SGCZ: variants seen among roughly 807,000 people sequenced by gnomAD.
SGCZ encodes zeta-sarcoglycan.
SGCZ carries 40 observed loss-of-function variants against 41.3 expected under a neutral mutation model. The observed-to-expected ratio is 0.97, with a 90% confidence interval of 0.75 to 1.26. The LOEUF (loss-of-function observed/expected upper bound fraction) is 1.26. Among genes scored for constraint, SGCZ ranks in the 50% most tolerant of loss-of-function variants. The pLI, the probability that SGCZ is intolerant of heterozygous loss-of-function variation, is 0.00. For synonymous variants in SGCZ, 206 were observed against 137.5 expected, an observed-to-expected ratio of 1.50 and a Z score of -3.49; for missense variants, 552 against 369.8, an observed-to-expected ratio of 1.49 and a Z score of -4.04.
rs181126807 is a variant in SGCZ, at chr8:14,619,956, A to C, written c.40-65030T>G. The stretch of plus-strand genomic sequence containing the variant: ...AAAAACTACTTTAAAGTTCATATGG[A>C]ACCAAAAAAGGGCCCGCATTGCCAA... On this transcript the variant is annotated intron_variant, in intron 1 of 7. Transcript: ENST00000382080. 2.0e-5 allele frequency among the ~76,000 whole-genome samples: 3 copies of C among 152,248 alleles called. No homozygotes were observed. In the East Asian group the frequency reaches 5.8e-4, roughly 29 times the overall value.
chr8:15,062,105 AACCTCTCC>A (rs1219331240), intron 1 of SGCZ, among the ~76,000 whole-genome samples: 1 of 152,182 alleles, frequency 6.6e-6, no homozygotes, highest in East Asian at 1.9e-4. Flanking sequence ...TTCTTGCTGT[AACCTCTCC>A]CTAAACATCC....
chr8:14,411,217 A>T (rs1299752417), intron 2 of SGCZ, among the ~76,000 whole-genome samples: 1 of 152,142 alleles, frequency 6.6e-6, no homozygotes, highest in African/African-American at 2.4e-5. Context: ...TTCTCTCCTT[A>T]GAAACAGCCC....
At chr8:15,078,235 T>C (rs919587107) in intron 1 of SGCZ, among the ~76,000 whole-genome samples, 11 of 146,696 alleles carry the variant, frequency 7.5e-5, no homozygotes, top group African/African-American at 2.8e-4. Flanking sequence ...TTTTTCCTGG[T>C]CATGAGACAA....
At chr8:14,898,046 A>G (rs966649748) in intron 1 of SGCZ, among the ~76,000 whole-genome samples, 1 of 152,130 alleles carries the variant, frequency 6.6e-6, no homozygotes, top group Non-Finnish European at 1.5e-5. Flanking sequence ...TGTGTTTAGT[A>G]TGTTTATACT....
intron 1 of SGCZ, among the ~76,000 whole-genome samples, chr8:14,796,433 T>C (rs1048443790): frequency 1.2e-4 from 18 of 152,186 alleles, no homozygotes; most frequent in African/African-American, 4.3e-4. Context: ...TTTGTTTTTT[T>C]TCTAATATTA....
At chr8:15,058,729 G>C (rs1804806365) in intron 1 of SGCZ, among the ~76,000 whole-genome samples, 1 of 152,124 alleles carries the variant, frequency 6.6e-6, no homozygotes, top group African/African-American at 2.4e-5. Flanking sequence ...GTTCGCTTAG[G>C]ATCCTTGGAT....
intron 1 of SGCZ, among the ~76,000 whole-genome samples, chr8:14,998,461 G>C (rs986597328): frequency 7.2e-5 from 11 of 152,190 alleles, no homozygotes; most frequent in Admixed American, 5.9e-4. Context: ...ATGACAGATA[G>C]ATAGCCTGGC....
chr8:15,012,787 A>G (rs1802887647), intron 1 of SGCZ, among the ~76,000 whole-genome samples: 1 of 149,178 alleles, frequency 6.7e-6, no homozygotes, highest in African/African-American at 2.5e-5. Context: ...ATATTTATTT[A>G]TGTGTGTGTG....
intron 1 of SGCZ, among the ~76,000 whole-genome samples, chr8:14,840,037 G>C (rs1054231549): frequency 6.6e-6 from 1 of 151,834 alleles, no homozygotes; most frequent in Non-Finnish European, 1.5e-5. Context: ...CAGTAATGCG[G>C]AGAAACCAAA....
At chr8:14,108,753 G>T (rs989738910) in intron 5 of SGCZ, among the ~76,000 whole-genome samples, 5 of 151,916 alleles carry the variant, frequency 3.3e-5, no homozygotes, top group African/African-American at 1.2e-4. Context: ...CACCAGGCAG[G>T]GAAGAGTCAA....
At chr8:14,907,946 G>A (rs1455648906) in intron 1 of SGCZ, among the ~76,000 whole-genome samples, 2 of 152,136 alleles carry the variant, frequency 1.3e-5, no homozygotes, top group Admixed American at 6.6e-5. Context: ...ATTAACTAAT[G>A]CATTTTAGAA....
At chr8:14,897,942 T>C (rs1479799780) in intron 1 of SGCZ, among the ~76,000 whole-genome samples, 1 of 152,120 alleles carries the variant, frequency 6.6e-6, no homozygotes, top group Non-Finnish European at 1.5e-5. Flanking sequence ...TCAAAAGAGA[T>C]GTATCCCCTA....
At position 15,064,496 on chromosome 8, in the gene SGCZ, T is replaced by C. The variant is rs1805050978; in HGVS notation, c.39+173089A>G. Among the ~76,000 whole-genome samples, 2 of 149,344 alleles carry C rather than the reference T, an allele frequency of 1.3e-5. 1 individual carries two copies. The highest frequency in any genetic ancestry group is 4.2e-4 in the South Asian group (2 of 4,748). On this transcript the variant is annotated intron_variant, in intron 1 of 7. Transcript: ENST00000382080. ...GAGCTTCAACCTTGTATTTATTTTA[T>C]CTGAGTTCCTTCCTCAAGAACAAAC...
Position 14,639,038 on chromosome 8 carries a change from CTTTTT to C in SGCZ, c.40-84117_40-84113del, listed in dbSNP as rs148778266. ...AAATAATACACTAAGAAACTGGAAT[CTTTTT>C]TTTTTTTTTTTGTCTTTTTTTGAGA... is the stretch of plus-strand genomic sequence containing the variant. On this transcript the variant is annotated intron_variant, in intron 1 of 7. Coordinates refer to ENST00000382080, the MANE Select transcript of SGCZ (RefSeq NM_139167.4). Among the ~76,000 whole-genome samples, 16 of 137,658 alleles carry C rather than the reference CTTTTT, an allele frequency of 1.2e-4. No individual in the cohort carries two copies. The East Asian group carries it at 2.8e-3, about 24-fold the overall frequency. 90.3% of individuals were successfully genotyped at this position (137,658 alleles called of 152,430 possible). A position where few individuals can be genotyped will look rare whatever the true frequency, so the allele number is the denominator to read the frequency against.
chr8:14,343,148 T>C (rs1802768905), intron 2 of SGCZ, among the ~76,000 whole-genome samples: 1 of 152,188 alleles, frequency 6.6e-6, no homozygotes, highest in African/African-American at 2.4e-5. Context: ...TCAGAAGATG[T>C]ATGGAAACAC....
chr8:14,728,093 G>C (rs1158523034), intron 1 of SGCZ, among the ~76,000 whole-genome samples: 2 of 152,072 alleles, frequency 1.3e-5, no homozygotes, highest in Non-Finnish European at 2.9e-5. Context: ...ACTTCTGATT[G>C]GTGTCCAGAA....
chr8:14,327,510 C>T (rs555747511), intron 2 of SGCZ, among the ~76,000 whole-genome samples: 1 of 152,208 alleles, frequency 6.6e-6, no homozygotes, highest in African/African-American at 2.4e-5. Context: ...TATTTCAGAG[C>T]AATGGAAACT....
intron 1 of SGCZ, among the ~76,000 whole-genome samples, chr8:15,068,801 A>G (rs1412329475): frequency 2.0e-5 from 3 of 152,206 alleles, no homozygotes; most frequent in African/African-American, 7.2e-5. Flanking sequence ...AAATGTCCTC[A>G]GCAATATACA....
chr8:15,120,239 T>A (rs1681467876), intron 1 of SGCZ, among the ~76,000 whole-genome samples: 1 of 152,248 alleles, frequency 6.6e-6, no homozygotes, highest in African/African-American at 2.4e-5. Flanking sequence ...CAGTTTTGCT[T>A]GGGATTGTTA....
Sources: allele counts gnomAD v4.1 joint callset (sites outside exome capture counted in the v4.1 genomes callset), GRCh38; gene constraint gnomAD v4.1.1; transcripts MANE v1.5; gene names NCBI Gene and HGNC (gene_info 2026-07-23, HGNC 2026-07-21).